The following ADAMTSL3 variants were observed in gnomAD, a reference collection of about 807,000 sequenced individuals.
ADAMTSL3 encodes the protein ADAMTS-like protein 3.
ADAMTSL3 carries 128 observed loss-of-function variants against 201.7 expected under a neutral mutation model. The observed-to-expected ratio is 0.63, with a 90% CI of 0.55 to 0.73. ADAMTSL3 has a LOEUF of 0.73. Among genes scored for constraint, ADAMTSL3 ranks in the 30% least tolerant of loss-of-function variants. ADAMTSL3 has a pLI of 0.00. For missense variants in ADAMTSL3, 1,990 were observed against 2,119.6 expected, an observed-to-expected ratio of 0.94 and a Z score of 1.20; for synonymous variants, 738 against 748.4, an observed-to-expected ratio of 0.99 and a Z score of 0.23.
At chr15:83,866,690 C>T (rs2064986842) in intron 8 of ADAMTSL3, among the ~76,000 whole-genome samples, 1 of 151,988 alleles carries the variant, frequency 6.6e-6, no homozygotes, top group South Asian at 2.1e-4. Context: ...AGCGCACCAA[C>T]ATGGCACATG....
intron 15 of ADAMTSL3, among the ~76,000 whole-genome samples, chr15:83,903,928 A>AGGGAGGGAGGGAGGGAGG (rs1567226013): frequency 6.3e-5 from 4 of 63,672 alleles, no homozygotes; most frequent in Admixed American, 2.2e-4. Flanking sequence ...AAAAAAAAAA[A>AGGGAGGGAGGGAGGGAGG]AAAAAAAAAA....
chr15:83,935,105 T>A (rs2066439308), intron 17 of ADAMTSL3, among the ~76,000 whole-genome samples: 1 of 152,188 alleles, frequency 6.6e-6, no homozygotes, highest in Non-Finnish European at 1.5e-5. Flanking sequence ...TATTCTGGTG[T>A]TGGTTGCAGG....
At chr15:83,911,548 C>G (rs1435226033) in intron 15 of ADAMTSL3, among the ~76,000 whole-genome samples, 1 of 152,156 alleles carries the variant, frequency 6.6e-6, no homozygotes, top group Non-Finnish European at 1.5e-5. Context: ...TCCAGCATTG[C>G]CCCATCCTGG....
intron 7 of ADAMTSL3, among the ~76,000 whole-genome samples, chr15:83,845,041 G>T (rs564421246): frequency 6.6e-6 from 1 of 152,158 alleles, no homozygotes; most frequent in African/African-American, 2.4e-5. Context: ...CCATTCCCCC[G>T]ATGGGCCTTT....
rs1016183032 is a variant in ADAMTSL3 at position 84,027,019 on chromosome 15, A to G, written c.4656+1583A>G. ...ATGGGAGAAAATGCTTAAAAATTGTATATCAAAAAGGAGATTATCTCTAAA... is the reference window on the plus strand; with the variant it reads ...ATGGGAGAAAATGCTTAAAAATTGTGTATCAAAAAGGAGATTATCTCTAAA... On this transcript the variant is annotated intron_variant, in intron 27 of 29. Coordinates refer to ENST00000286744, the MANE Select transcript of ADAMTSL3 (RefSeq NM_207517.3). Among the ~76,000 whole-genome samples, 41 of 152,222 alleles carry G rather than the reference A, an allele frequency of 2.7e-4. 1 individual carries two copies. The highest frequency in any genetic ancestry group is 3.7e-4 in the Non-Finnish European group (25 of 68,036).
chr15:83,714,850 T>TTCCC (rs369793230), intron 3 of ADAMTSL3, among the ~76,000 whole-genome samples: 30 of 51,002 alleles, frequency 5.9e-4, no homozygotes, highest in Admixed American at 1.0e-3. Flanking sequence ...TTCTCTCTCT[T>TTCCC]TCCCTCCCTC....
At chr15:83,860,803 G>A (rs991995389) in intron 8 of ADAMTSL3, among the ~76,000 whole-genome samples, 104 of 152,184 alleles carry the variant, frequency 6.8e-4, no homozygotes, top group African/African-American at 5.1e-4. Flanking sequence ...TCTCTGGGGA[G>A]TGTCGGAGAG....
intron 2 of ADAMTSL3, among the ~76,000 whole-genome samples, chr15:83,666,392 T>G (rs770345091): frequency 6.6e-6 from 1 of 152,234 alleles, no homozygotes; most frequent in Non-Finnish European, 1.5e-5. Context: ...TACTACAGAT[T>G]GTCTTTTAGA....
chr15:83,735,589 G>A (rs2062357386), intron 3 of ADAMTSL3, among the ~76,000 whole-genome samples: 1 of 151,964 alleles, frequency 6.6e-6, no homozygotes, highest in Admixed American at 6.6e-5. Context: ...TCATCTTGGG[G>A]GATCAGTGGG....
chr15:83,684,069 G>C (rs1186823678), intron 2 of ADAMTSL3, among the ~76,000 whole-genome samples: 1 of 152,186 alleles, frequency 6.6e-6, no homozygotes, highest in Non-Finnish European at 1.5e-5. Context: ...TTTGAAACCT[G>C]AAGCAAAGAT....
intron 4 of ADAMTSL3, among the ~76,000 whole-genome samples, chr15:83,784,703 TA>T (rs905599555): frequency 2.0e-5 from 3 of 152,174 alleles, no homozygotes; most frequent in African/African-American, 4.8e-5. Context: ...AATATATACT[TA>T]AAAACCACAT....
intron 2 of ADAMTSL3, among the ~76,000 whole-genome samples, chr15:83,672,713 A>G (rs749046720): frequency 1.3e-5 from 2 of 152,256 alleles, no homozygotes; most frequent in African/African-American, 2.4e-5. Flanking sequence ...CTTCACACTT[A>G]GAATGCAGAG....
intron 23 of ADAMTSL3, among the ~76,000 whole-genome samples, chr15:83,993,882 A>C (rs2067629925): frequency 1.3e-5 from 2 of 152,186 alleles, no homozygotes; most frequent in South Asian, 2.1e-4. Context: ...TGCATGTTTT[A>C]TTTTCTTTCA....
At chr15:83,803,163 GA>G (rs2063550469) in intron 4 of ADAMTSL3, among the ~76,000 whole-genome samples, 1 of 152,130 alleles carries the variant, frequency 6.6e-6, no homozygotes. Context: ...AGAAACAGTG[GA>G]GGATTAAATG....
At chr15:83,858,636 G>A (rs2064791168) in intron 7 of ADAMTSL3, 130 bp from the exon 8 acceptor site, 1 of 680,802 alleles carries the variant, frequency 1.5e-6, no homozygotes, top group South Asian at 2.1e-5. Flanking sequence ...GCCTCCTGAA[G>A]TGCTAGGATT....
chr15:83,863,979 A>G (rs1331217097), intron 8 of ADAMTSL3, among the ~76,000 whole-genome samples: 1 of 152,218 alleles, frequency 6.6e-6, no homozygotes. Context: ...AGAATACTAT[A>G]AACACCTCTA....
intron 3 of ADAMTSL3, among the ~76,000 whole-genome samples, chr15:83,718,337 G>A (rs2062048216): frequency 6.6e-6 from 1 of 152,244 alleles, no homozygotes. Flanking sequence ...TAGCAAGGAA[G>A]CTGTCAAGAC....
chr15:83,855,861 A>G (rs1415438617), intron 7 of ADAMTSL3, among the ~76,000 whole-genome samples: 2 of 152,018 alleles, frequency 1.3e-5, no homozygotes, highest in East Asian at 3.9e-4. Context: ...AAATTCAAAA[A>G]TTAGCCAGGC....
intron 5 of ADAMTSL3, among the ~76,000 whole-genome samples, chr15:83,818,393 C>G (rs990521325): frequency 1.3e-5 from 2 of 152,170 alleles, no homozygotes; most frequent in African/African-American, 4.8e-5. Flanking sequence ...GTGGCACAAT[C>G]TTGGCTCACT....
Sources: gnomAD v4.1 joint callset for allele counts (sites outside exome capture counted in the v4.1 genomes callset) on GRCh38, gnomAD v4.1.1 for gene constraint, MANE v1.5 for transcripts, NCBI Gene and HGNC (gene_info 2026-07-23, HGNC 2026-07-21) for gene names.